The following HEYL variants were observed in gnomAD, a reference collection of about 807,000 sequenced individuals.
HEYL encodes hairy/enhancer-of-split related with YRPW motif-like protein.
HEYL carries 12 observed loss-of-function variants against 18.6 expected under a neutral mutation model. That is an observed-to-expected ratio of 0.65 (90% CI 0.41 to 1.05). The LOEUF (loss-of-function observed/expected upper bound fraction) is 1.05. Ranked by LOEUF, HEYL falls within the 50% of genes least tolerant of loss-of-function variation. The pLI, the probability that HEYL is intolerant of heterozygous loss-of-function variation, is 0.00. For synonymous variants in HEYL, 159 were observed against 179.6 expected (o/e 0.89, Z 0.91); for missense variants, 420 against 444.7 (o/e 0.94, Z 0.50).
chr1:39,627,125 C>T lies in HEYL; in HGVS notation c.369G>A (p.Glu123=). ...GGTACCTGATGACCTCAGTGAGGCA[C>T]TCCCGAAAACCAATGCTCCGGAAGT... ...AVDFRSIGFR[E]CLTEVIRYLG... The change falls in exon 5 of 5, where the codon GAG becomes GAA. Residue 123 remains glutamate, a synonymous_variant. Coordinates refer to ENST00000372852, the MANE Select transcript of HEYL (RefSeq NM_014571.4). 6.2e-7 allele frequency: 1 copy of T among 1,614,058 alleles called. No individual in the cohort carries two copies.
At chr1:39,631,814 G>T (rs1302967105) in intron 2 of HEYL, among the ~76,000 whole-genome samples, 4 of 152,210 alleles carry the variant, frequency 2.6e-5, no homozygotes, top group Non-Finnish European at 5.9e-5. Flanking sequence ...TCGGTCTATA[G>T]GGGTGATATT....
chr1:39,631,086 C>G (rs1646330515), intron 3 of HEYL, among the ~76,000 whole-genome samples: 1 of 152,224 alleles, frequency 6.6e-6, no homozygotes, highest in South Asian at 2.1e-4. Flanking sequence ...GTGCTCACTC[C>G]CTGAGCAGCC....
Position 39,626,379 on chromosome 1 carries a change from A to G in HEYL, c.*128T>C. On this transcript the variant is annotated 3_prime_UTR_variant, in exon 5 of 5. Transcript: ENST00000372852. ...GGGTTGGAGGAGGAGGGGGCCTCTG[A>G]TGGCTGGAGAACGTGCCTTCACATA... 1 of 804,530 alleles carries G rather than the reference A, an allele frequency of 1.2e-6. No individual in the cohort carries two copies. The highest frequency in any genetic ancestry group is 1.9e-6 in the Non-Finnish European group (1 of 527,618). The allele number at this position is 804,530 out of a possible 1,614,324, so 49.8% of individuals were successfully genotyped here.
At chr1:39,635,084 T>C (rs748047283) in intron 1 of HEYL, among the ~76,000 whole-genome samples, 1 of 152,248 alleles carries the variant, frequency 6.6e-6, no homozygotes, top group African/African-American at 2.4e-5. Flanking sequence ...AGAGACCAGA[T>C]AGCATTTGTC....
Position 39,639,622 on chromosome 1 carries a change from T to A in HEYL, c.4A>T (p.Lys2Ter). 6.4e-7 allele frequency: 1 copy of A among 1,559,530 alleles called. No individual in the cohort carries two copies. Among genetic ancestry groups the A allele is most frequent in the East Asian group, 2.6e-5 (1 of 38,560 alleles). The part of the protein sequence containing the change: M[K>*]RPKEPSGSDG... ...GAGCCGCTCGGCTCCTTGGGTCGCT[T>A]CATGGCGAACGCAGGCTGCCTGGTC... Residue 2 changes from lysine (K) to a stop codon, truncating the protein, a stop_gained, in exon 1 of 5, where the codon AAG becomes TAG. Transcript: ENST00000372852. LOFTEE classifies it high-confidence loss of function.
intron 4 of HEYL, among the ~76,000 whole-genome samples, 165 bp from the exon 5 acceptor site, chr1:39,627,345 A>G (rs1427126167): frequency 1.3e-5 from 2 of 152,236 alleles, no homozygotes; most frequent in African/African-American, 2.4e-5. Flanking sequence ...CAAAGTGAGA[A>G]CAAAAATCCC....
Position 39,639,549 on chromosome 1 carries a change from A to C in HEYL, c.77T>G (p.Leu26Arg). 1 of 1,582,774 alleles carries C rather than the reference A, an allele frequency of 6.3e-7. No individual in the cohort carries two copies. The change falls in exon 1 of 5, where the codon CTG becomes CGG. Residue 26 changes from leucine (L) to arginine (R), a missense_variant. Physicochemically the swap from Leu to Arg is moderately radical, Grantham distance 102. Transcript: ENST00000372852. ...GTCCCCGCATCCCGGCCCTTACCTC[A>C]GCTGGCCCTCTTGGCCCACGTCGAT... ...GPIDVGQEGQ[L>R]SQMARPLSTP...
chr1:39,626,450 G>A lies in HEYL; in HGVS notation c.*57C>T. The A allele has an allele frequency of 1.4e-6, 2 of 1,411,076 alleles. No individual in the cohort carries two copies. Among genetic ancestry groups the A allele is most frequent in the Non-Finnish European group, 1.9e-6 (2 of 1,067,054 alleles). 87.4% of individuals were successfully genotyped at this position (1,411,076 alleles called of 1,614,324 possible). ...AGCAGAAAAGGCAGTGCCCTTTTTT[G>A]GGCTCCTGGTAAAAGAACCTTCCTT... On this transcript the variant is annotated 3_prime_UTR_variant, in exon 5 of 5. Transcript: ENST00000372852.
Position 39,627,138 on chromosome 1 carries a change from A to G in HEYL, c.356T>C (p.Ile119Thr), listed in dbSNP as rs759071848. The change falls in exon 5 of 5, where the codon ATT becomes ACT. Residue 119 changes from isoleucine (I) to threonine (T), a missense_variant. Physicochemically the swap from Ile to Thr is moderately conservative, Grantham distance 89. Coordinates refer to ENST00000372852, the MANE Select transcript of HEYL (RefSeq NM_014571.4). ...CTCAGTGAGGCACTCCCGAAAACCA[A>G]TGCTCCGGAAGTCAACTGCCAGGGC... ...ARALAVDFRS[I>T]GFRECLTEVI... 8 of 1,613,678 alleles carry G rather than the reference A, an allele frequency of 5.0e-6. No homozygotes were observed. The highest frequency in any genetic ancestry group is 4.5e-5 in the East Asian group (2 of 44,876).
chr1:39,639,056 C>T lies in HEYL; in HGVS notation c.80+490G>A, dbSNP rs1570446147. 2.0e-5 allele frequency among the ~76,000 whole-genome samples: 3 copies of T among 152,146 alleles called. No individual in the cohort carries two copies. The South Asian group carries it at 6.2e-4, about 32-fold the overall frequency. On this transcript the variant is annotated intron_variant, in intron 1 of 4. Transcript: ENST00000372852. Reference sequence around the variant, plus strand: ...GTCCCTAAATCCAAACTCCAATTTGCTCAAAGGAGGACAAATTTTCTTCTT... The same window carrying T: ...GTCCCTAAATCCAAACTCCAATTTGTTCAAAGGAGGACAAATTTTCTTCTT...
chr1:39,630,364 G>T, intron 3 of HEYL, 56 bp from the exon 4 acceptor site: 1 of 1,343,300 alleles, frequency 7.4e-7, no homozygotes, highest in Non-Finnish European at 1.1e-6. Flanking sequence ...TAGCTGTGCG[G>T]TGTCATCAGC....
intron 1 of HEYL, chr1:39,632,955 C>T (rs1332563463): frequency 7.1e-6 from 7 of 984,594 alleles, no homozygotes; most frequent in Admixed American, 6.2e-5. Flanking sequence ...GCTCCTCGCC[C>T]CTCGCGGCGG....
intron 2 of HEYL, among the ~76,000 whole-genome samples, 193 bp downstream of exon 2, chr1:39,632,456 G>A (rs959354475): frequency 1.3e-5 from 2 of 152,224 alleles, no homozygotes; most frequent in Non-Finnish European, 2.9e-5. Context: ...TTACACAAAG[G>A]AGCAAATCAG....
intron 3 of HEYL, 101 bp downstream of exon 3, chr1:39,631,395 C>T (rs188420721): frequency 1.9e-5 from 18 of 946,850 alleles, no homozygotes; most frequent in Non-Finnish European, 3.1e-5. Context: ...ATCACAGCAT[C>T]TCAGGCAGCT....
At chr1:39,633,140 G>C (rs1282565568) in intron 1 of HEYL, 2 of 983,540 alleles carry the variant, frequency 2.0e-6, no homozygotes, top group African/African-American at 1.8e-5. Context: ...TGCTTCCCAC[G>C]GGCCGGGCGC....
At chr1:39,632,812 G>A in intron 1 of HEYL, 97 bp from the exon 2 acceptor site, 1 of 1,562,662 alleles carries the variant, frequency 6.4e-7, no homozygotes, top group Admixed American at 1.9e-5. Flanking sequence ...GCTGGGCCTA[G>A]AAGGAGCAGC....
intron 2 of HEYL, among the ~76,000 whole-genome samples, chr1:39,631,912 T>A (rs1646335637): frequency 6.6e-6 from 1 of 152,208 alleles, no homozygotes; most frequent in African/African-American, 2.4e-5. Context: ...TGGAGGCCCG[T>A]GCTGGGCCAG....
chr1:39,636,822 G>A (rs1570444968), intron 1 of HEYL, among the ~76,000 whole-genome samples: 1 of 152,140 alleles, frequency 6.6e-6, no homozygotes, highest in Admixed American at 6.5e-5. Context: ...TCACACTTCC[G>A]GTCTTTTCAT....
chr1:39,623,541 G>A lies in HEYL; in HGVS notation c.*2966C>T, dbSNP rs1212627068. Among the ~76,000 whole-genome samples the A allele has an allele frequency of 3.3e-5, 5 of 152,258 alleles. No homozygotes were observed. Among genetic ancestry groups the A allele is most frequent in the African/African-American group, 9.6e-5 (4 of 41,464 alleles). On this transcript the variant is annotated 3_prime_UTR_variant, in exon 5 of 5. Transcript: ENST00000372852. ...AACCAGGCATGGCACCTGGCCTCAT[G>A]AGCTTACACTCGAGTGGGAGGCACA...
Sources: gnomAD v4.1 joint callset for allele counts (sites outside exome capture counted in the v4.1 genomes callset) on GRCh38, gnomAD v4.1.1 for gene constraint, MANE v1.5 for transcripts, NCBI Gene and HGNC (gene_info 2026-07-23, HGNC 2026-07-21) for gene names.